The following ALK variants were observed in gnomAD, a reference collection of about 807,000 sequenced individuals.
ALK encodes ALK receptor tyrosine kinase.
A neutral mutation model predicts 163.1 loss-of-function variants in ALK; 74 were observed. The observed-to-expected ratio is 0.45, with a 90% CI of 0.38 to 0.55. The LOEUF (loss-of-function observed/expected upper bound fraction) is 0.55, where lower values mean the gene tolerates loss of function less well. ALK is among the 20% of genes least tolerant of loss of function. ALK has a pLI of 0.00. For synonymous variants in ALK, 960 were observed against 843.2 expected (o/e 1.14, Z -2.40); for missense variants, 2,063 against 2,105.3 (o/e 0.98, Z 0.39).
chr2:29,509,815 G>A (rs374240239), intron 4 of ALK, among the ~76,000 whole-genome samples: 1 of 152,176 alleles, frequency 6.6e-6, no homozygotes, highest in African/African-American at 2.4e-5. Flanking sequence ...TAAAGGTAGG[G>A]TTGGGGAGAA....
At chr2:29,917,011 A>C (rs574486957) in intron 1 of ALK, among the ~76,000 whole-genome samples, 6 of 152,262 alleles carry the variant, frequency 3.9e-5, no homozygotes, top group African/African-American at 1.4e-4. Flanking sequence ...ACAAGGAAAA[A>C]CCATTAGCAT....
intron 3 of ALK, among the ~76,000 whole-genome samples, chr2:29,577,207 A>C (rs1467428717): frequency 6.6e-6 from 1 of 152,170 alleles, no homozygotes; most frequent in African/African-American, 2.4e-5. Flanking sequence ...TGTTTGTAAA[A>C]TAAACTCTGG....
chr2:29,353,633 C>T (rs949356480), intron 5 of ALK, among the ~76,000 whole-genome samples: 3 of 151,906 alleles, frequency 2.0e-5, no homozygotes, highest in Non-Finnish European at 4.4e-5. Context: ...TTGTTCATTA[C>T]ACACTTGTGT....
At chr2:29,370,184 C>T (rs1313119139) in intron 5 of ALK, among the ~76,000 whole-genome samples, 1 of 152,156 alleles carries the variant, frequency 6.6e-6, no homozygotes, top group Non-Finnish European at 1.5e-5. Context: ...ATTTTGCACC[C>T]CACCTTCATA....
intron 2 of ALK, among the ~76,000 whole-genome samples, chr2:29,696,584 G>A (rs899305242): frequency 1.1e-4 from 16 of 147,764 alleles, no homozygotes; most frequent in African/African-American, 3.7e-4. Flanking sequence ...ACTTCAGCAT[G>A]CTTTGCAGAG....
At chr2:29,741,814 C>G (rs989768819) in intron 1 of ALK, among the ~76,000 whole-genome samples, 1 of 152,160 alleles carries the variant, frequency 6.6e-6, no homozygotes, top group Non-Finnish European at 1.5e-5. Context: ...GACATGGGAT[C>G]CAAGCTGCAG....
chr2:29,359,859 G>T (rs1392362705), intron 5 of ALK, among the ~76,000 whole-genome samples: 1 of 152,184 alleles, frequency 6.6e-6, no homozygotes, highest in East Asian at 1.9e-4. Flanking sequence ...CCCTTTGGTG[G>T]TGCCTAAGAC....
intron 5 of ALK, among the ~76,000 whole-genome samples, chr2:29,338,504 C>T (rs1267857932): frequency 2.0e-5 from 3 of 152,230 alleles, no homozygotes; most frequent in Non-Finnish European, 4.4e-5. Flanking sequence ...CTAGAATCAT[C>T]TTGATCTCAA....
intron 28 of ALK, among the ~76,000 whole-genome samples, chr2:29,195,753 A>G (rs1669006564): frequency 6.6e-6 from 1 of 152,222 alleles, no homozygotes; most frequent in Non-Finnish European, 1.5e-5. Flanking sequence ...TTAAATAAAT[A>G]GTGGTTTATT....
intron 1 of ALK, among the ~76,000 whole-genome samples, chr2:29,885,092 C>G (rs1391022648): frequency 6.6e-6 from 1 of 152,176 alleles, no homozygotes. Flanking sequence ...ATGCTGAGAC[C>G]CTTTTTCTGG....
chr2:29,323,462 G>C (rs183337985), intron 6 of ALK, among the ~76,000 whole-genome samples: 2 of 152,180 alleles, frequency 1.3e-5, no homozygotes, highest in African/African-American at 4.8e-5. Context: ...TTTCAGCTTG[G>C]CATAGAATCC....
At chr2:29,756,242 T>C (rs1284546746) in intron 1 of ALK, among the ~76,000 whole-genome samples, 1 of 152,218 alleles carries the variant, frequency 6.6e-6, no homozygotes, top group African/African-American at 2.4e-5. Context: ...CAAAAGTCCA[T>C]TTCCCGGGAG....
chr2:29,669,619 A>G (rs943769534), intron 3 of ALK, among the ~76,000 whole-genome samples: 7 of 152,072 alleles, frequency 4.6e-5, no homozygotes, highest in African/African-American at 1.7e-4. Context: ...TGATAATAAG[A>G]ACTCAGTACT....
chr2:29,563,210 T>A (rs1208503251), intron 3 of ALK, among the ~76,000 whole-genome samples: 2 of 152,262 alleles, frequency 1.3e-5, no homozygotes, highest in Non-Finnish European at 2.9e-5. Flanking sequence ...TAATCTGTGC[T>A]AGATACCTGG....
chr2:29,601,522 C>G (rs183132254), intron 3 of ALK, among the ~76,000 whole-genome samples: 1 of 152,016 alleles, frequency 6.6e-6, no homozygotes, highest in Admixed American at 6.6e-5. Flanking sequence ...TGGATACTAA[C>G]GGCTCCATTA....
intron 5 of ALK, among the ~76,000 whole-genome samples, chr2:29,340,678 A>G (rs1667762963): frequency 6.6e-6 from 1 of 152,226 alleles, no homozygotes; most frequent in Admixed American, 6.5e-5. Flanking sequence ...TTTGGAAAGT[A>G]CTTTGTAAAC....
Position 29,302,440 on chromosome 2 carries a change from C to T in ALK, c.1648-5383G>A, listed in dbSNP as rs188620819. On this transcript the variant is annotated intron_variant, in intron 8 of 28. Coordinates refer to ENST00000389048, the MANE Select transcript of ALK (RefSeq NM_004304.5). ...GGCTGAGGCAGGAGAATTGCTTCAACCCGGGAGGCGGAGGTTGCAGTGAGC... is the reference window on the plus strand; with the variant it reads ...GGCTGAGGCAGGAGAATTGCTTCAATCCGGGAGGCGGAGGTTGCAGTGAGC... 1.6e-3 allele frequency among the ~76,000 whole-genome samples: 250 copies of T among 152,314 alleles called. 1 individual carries two copies. Among genetic ancestry groups the T allele is most frequent in the Admixed American group, 3.9e-3 (60 of 15,294 alleles).
At chr2:29,285,220 C>T (rs1045629565) in intron 9 of ALK, among the ~76,000 whole-genome samples, 2 of 151,932 alleles carry the variant, frequency 1.3e-5, no homozygotes, top group Non-Finnish European at 2.9e-5. Flanking sequence ...CTGTGCTTCC[C>T]GCCCTCCAGC....
At chr2:29,846,566 T>C (rs899192869) in intron 1 of ALK, among the ~76,000 whole-genome samples, 1 of 152,186 alleles carries the variant, frequency 6.6e-6, no homozygotes, top group African/African-American at 2.4e-5. Context: ...ATAACTTTTA[T>C]AAAGCAGAGG....
Sources: gnomAD v4.1 joint callset for allele counts (sites outside exome capture counted in the v4.1 genomes callset) on GRCh38, gnomAD v4.1.1 for gene constraint, MANE v1.5 for transcripts, NCBI Gene and HGNC (gene_info 2026-07-23, HGNC 2026-07-21) for gene names.